ANO2: variants seen among roughly 807,000 people sequenced by gnomAD.
The protein encoded by ANO2 is anoctamin-2.
A neutral mutation model predicts 124.2 loss-of-function variants in ANO2; 101 were observed. The ratio of observed to expected loss-of-function variants is 0.81; its 90% CI spans 0.69 to 0.96. The LOEUF is 0.96. ANO2 is among the 40% of genes least tolerant of loss of function. ANO2 has a pLI of 0.00. For synonymous variants in ANO2, 486 were observed against 482.5 expected (o/e 1.01, Z -0.09); for missense variants, 1,293 against 1,274.5 (o/e 1.01, Z -0.22).
Position 5,744,224 on chromosome 12 carries a change from G to C in ANO2, c.1284C>G (p.Thr428=). ...DYWNLSSACG[T]AQASHLFDNP... ...TGTCAAACAGGTGGCTGGCCTGCGC[G>C]GTCCCACAGGCTGAGCTGAGGTTCC... The change falls in exon 12 of 25, where the codon ACC becomes ACG. Residue 428 remains threonine, a synonymous_variant. Coordinates refer to ENST00000682330, the MANE Select transcript of ANO2 (RefSeq NM_001364791.2). 1.2e-6 allele frequency: 2 copies of C among 1,613,954 alleles called. No individual in the cohort carries two copies. Among genetic ancestry groups the C allele is most frequent in the Non-Finnish European group, 1.7e-6 (2 of 1,179,880 alleles).
At chr12:5,898,208 G>GT (rs1313830642) in intron 3 of ANO2, among the ~76,000 whole-genome samples, 3 of 152,172 alleles carry the variant, frequency 2.0e-5, no homozygotes, top group Non-Finnish European at 4.4e-5. Context: ...CACTACACAT[G>GT]TATCAGAATG....
Position 5,930,291 on chromosome 12 carries a change from C to T in ANO2, c.23-7487G>A, listed in dbSNP as rs368574986. 5.4e-4 allele frequency among the ~76,000 whole-genome samples: 82 copies of T among 151,606 alleles called. 2 individuals carry two copies. In the South Asian group the frequency reaches 0.012, roughly 23 times the overall value. ...GGAAGTTAAATGGGTCTGCAATGAA[C>T]GAACAGAGATGTGAAATACTGCACG... On this transcript the variant is annotated intron_variant, in intron 1 of 24. Transcript: ENST00000682330.
rs2136280924 is a variant in ANO2, at chr12:5,900,696, C to T, written c.534+20344G>A. Among the ~76,000 whole-genome samples the T allele has an allele frequency of 6.6e-6, 1 of 152,344 alleles. No individual in the cohort carries two copies. Among genetic ancestry groups the T allele is most frequent in the African/African-American group, 2.4e-5 (1 of 41,588 alleles). On this transcript the variant is annotated intron_variant, in intron 3 of 24. Transcript: ENST00000682330. The surrounding 1 kb of genome is among the most constrained non-coding windows in gnomAD (Gnocchi z 4.2). ...GCACAGCCTGACCACAATCCCCTTC[C>T]CCATGGGTGGGGCCGGGACAGGAAA...
chr12:5,721,332 C>T (rs1950227439), intron 14 of ANO2, among the ~76,000 whole-genome samples: 1 of 152,192 alleles, frequency 6.6e-6, no homozygotes, highest in Non-Finnish European at 1.5e-5. Context: ...AGCCAGCCCA[C>T]CTGGCACTTT....
intron 7 of ANO2, among the ~76,000 whole-genome samples, chr12:5,813,369 T>A (rs1953497168): frequency 6.6e-6 from 1 of 152,174 alleles, no homozygotes; most frequent in African/African-American, 2.4e-5. Context: ...CTTTTTCTTT[T>A]GTTCACTCTA....
chr12:5,717,483 T>A (rs1359541904), intron 14 of ANO2, among the ~76,000 whole-genome samples: 1 of 152,122 alleles, frequency 6.6e-6, no homozygotes, highest in African/African-American at 2.4e-5. Context: ...CCTAGTTAAA[T>A]TACAGATCAC....
At chr12:5,832,137 G>T (rs1378908555) in intron 5 of ANO2, among the ~76,000 whole-genome samples, 1 of 152,182 alleles carries the variant, frequency 6.6e-6, no homozygotes, top group Non-Finnish European at 1.5e-5. Flanking sequence ...AGATACACAG[G>T]TGTCTGACCA....
chr12:5,767,730 C>T (rs1369404378), intron 10 of ANO2, among the ~76,000 whole-genome samples: 1 of 152,136 alleles, frequency 6.6e-6, no homozygotes, highest in East Asian at 1.9e-4. Context: ...CCGCATGGGC[C>T]CTTCCCCCCC....
At chr12:5,674,118 A>G (rs1293281955) in intron 14 of ANO2, among the ~76,000 whole-genome samples, 1 of 152,216 alleles carries the variant, frequency 6.6e-6, no homozygotes, top group East Asian at 1.9e-4. Context: ...GATCCCATAG[A>G]GAAAAAAATA....
At chr12:5,680,984 C>A (rs1370674837) in intron 14 of ANO2, among the ~76,000 whole-genome samples, 1 of 152,150 alleles carries the variant, frequency 6.6e-6, no homozygotes, top group Non-Finnish European at 1.5e-5. Context: ...CTGCCCCAAG[C>A]TCAAAGCGAG....
chr12:5,778,429 C>T (rs1952292057), intron 10 of ANO2, among the ~76,000 whole-genome samples: 1 of 152,154 alleles, frequency 6.6e-6, no homozygotes, highest in Non-Finnish European at 1.5e-5. Context: ...CATTATTTTA[C>T]ATCTGAATGA....
intron 3 of ANO2, among the ~76,000 whole-genome samples, chr12:5,871,639 A>G (rs528209697): frequency 1.3e-5 from 2 of 152,316 alleles, no homozygotes; most frequent in East Asian, 3.9e-4. Flanking sequence ...TTAATGCCTG[A>G]TGATCTGAGG....
intron 14 of ANO2, among the ~76,000 whole-genome samples, chr12:5,682,380 T>C (rs1031937813): frequency 3.3e-5 from 5 of 151,922 alleles, no homozygotes; most frequent in Non-Finnish European, 7.4e-5. Flanking sequence ...TCTCTCCTAC[T>C]CCTCCACCCC....
At chr12:5,923,170 A>ACACACG (rs1555184614) in intron 1 of ANO2, among the ~76,000 whole-genome samples, 12 of 61,672 alleles carry the variant, frequency 1.9e-4, no homozygotes, top group East Asian at 6.5e-4. Context: ...GCATACACAC[A>ACACACG]CACGCACACA....
intron 1 of ANO2, among the ~76,000 whole-genome samples, chr12:5,927,572 A>G (rs747406448): frequency 2.6e-5 from 4 of 152,190 alleles, no homozygotes; most frequent in Non-Finnish European, 5.9e-5. Context: ...TCCACTGTCC[A>G]TCTACCATCA....
chr12:5,705,638 T>A (rs1949578976), intron 14 of ANO2, among the ~76,000 whole-genome samples: 1 of 152,246 alleles, frequency 6.6e-6, no homozygotes, highest in Non-Finnish European at 1.5e-5. Flanking sequence ...CAACTATGAA[T>A]TCTTACAAAC....
intron 10 of ANO2, among the ~76,000 whole-genome samples, chr12:5,784,261 G>T (rs1952481272): frequency 6.6e-6 from 1 of 152,084 alleles, no homozygotes; most frequent in South Asian, 2.1e-4. Context: ...TCCTCTGATG[G>T]ATTCAGAAGC....
At chr12:5,933,399 G>A (rs909904848) in intron 1 of ANO2, among the ~76,000 whole-genome samples, 1 of 152,130 alleles carries the variant, frequency 6.6e-6, no homozygotes, top group Non-Finnish European at 1.5e-5. Context: ...AATGTTAAAA[G>A]ATTTTAAGCA....
At chr12:5,833,077 C>T (rs1190502704) in intron 4 of ANO2, among the ~76,000 whole-genome samples, 1 of 152,198 alleles carries the variant, frequency 6.6e-6, no homozygotes, top group Admixed American at 6.5e-5. Context: ...CTCATGTCAA[C>T]CTAATCCAAA....
Sources: gnomAD v4.1 joint callset for allele counts (sites outside exome capture counted in the v4.1 genomes callset) on GRCh38, gnomAD v4.1.1 for gene constraint, Gnocchi (gnomAD v3.1) non-coding constraint, MANE v1.5 for transcripts, NCBI Gene and HGNC (gene_info 2026-07-23, HGNC 2026-07-21) for gene names.